POU2F2: variants seen among roughly 807,000 people sequenced by gnomAD.
The protein encoded by POU2F2 is POU domain, class 2, transcription factor 2.
Under a neutral mutation model 63.5 loss-of-function variants are expected in POU2F2, and 14 were observed. That is an observed-to-expected ratio of 0.22 (90% CI 0.15 to 0.34). The LOEUF is 0.34. Ranked by LOEUF, POU2F2 falls within the 10% of genes least tolerant of loss-of-function variation. POU2F2 has a pLI of 1.00. For missense variants in POU2F2, 607 were observed against 815.2 expected (o/e 0.74, Z 3.11); for synonymous variants, 306 against 348.6 (o/e 0.88, Z 1.36).
At position 42,158,916 on chromosome 19, in the gene POU2F2, T is replaced by C. The variant is rs536923023; in HGVS notation, c.-9+1416A>G. 4.6e-5 allele frequency among the ~76,000 whole-genome samples: 7 copies of C among 151,756 alleles called. No homozygotes were observed. In the South Asian group the frequency reaches 1.5e-3, roughly 32 times the overall value. On this transcript the variant is annotated intron_variant, in intron 2 of 6. Transcript: ENST00000524801. ...GAGGATTCCTGGAAAAACTGCAACT[T>C]CGGTTCCCTGGAGAAAGCACTCTAG...
chr19:42,173,926 C>T (rs2034820396), intron 1 of POU2F2, among the ~76,000 whole-genome samples: 1 of 152,210 alleles, frequency 6.6e-6, no homozygotes, highest in Non-Finnish European at 1.5e-5. Flanking sequence ...GAGATGCTGC[C>T]TATGGCCCTG....
intron 2 of POU2F2, among the ~76,000 whole-genome samples, chr19:42,150,795 G>A (rs978664792): frequency 1.3e-5 from 2 of 151,842 alleles, no homozygotes; most frequent in Non-Finnish European, 2.9e-5. Flanking sequence ...TCCCAATGCC[G>A]CAGGCCGGGT....
At chr19:42,151,443 G>A (rs1221564317) in intron 2 of POU2F2, among the ~76,000 whole-genome samples, 1 of 152,150 alleles carries the variant, frequency 6.6e-6, no homozygotes, top group Non-Finnish European at 1.5e-5. Flanking sequence ...GGAGCCCTGG[G>A]GAGTTGGGGG....
chr19:42,135,806 C>T (rs1365880210), upstream of POU2F2, among the ~76,000 whole-genome samples: 1 of 151,302 alleles, frequency 6.6e-6, no homozygotes, highest in African/African-American at 2.4e-5. Flanking sequence ...CTCCTGGGTT[C>T]AAGCGCATCT....
chr19:42,157,616 GACAA>G (rs2034480886), intron 2 of POU2F2: 1 of 152,282 alleles, frequency 6.6e-6, no homozygotes, highest in Non-Finnish European at 1.5e-5. Context: ...AGATGTGTTA[GACAA>G]ACAGAGAGGT....
At chr19:42,184,385 A>T (rs2034993195) in intron 1 of POU2F2, among the ~76,000 whole-genome samples, 1 of 152,042 alleles carries the variant, frequency 6.6e-6, no homozygotes, top group South Asian at 2.1e-4. Context: ...CTCTTTTCAC[A>T]TGGGGATGTC....
chr19:42,119,924 T>A (rs576792523), intron 4 of POU2F2, among the ~76,000 whole-genome samples: 29 of 152,110 alleles, frequency 1.9e-4, no homozygotes, highest in African/African-American at 6.5e-4. Flanking sequence ...ACTTTTATTT[T>A]AATTTTTTTT....
chr19:42,099,155 G>A (rs2077033340), intron 7 of POU2F2, among the ~76,000 whole-genome samples: 2 of 152,362 alleles, frequency 1.3e-5, no homozygotes, highest in South Asian at 4.1e-4. Context: ...ATCCTCCGTT[G>A]CAGTGCTGGA....
chr19:42,141,679 C>T (rs902730876), intron 2 of POU2F2, among the ~76,000 whole-genome samples: 3 of 151,936 alleles, frequency 2.0e-5, no homozygotes, highest in Admixed American at 6.6e-5. Flanking sequence ...GGGGTTTCTC[C>T]ATGTTGGTCA....
At chr19:42,137,985 G>A (rs2146751317) in intron 2 of POU2F2, among the ~76,000 whole-genome samples, 1 of 152,306 alleles carries the variant, frequency 6.6e-6, no homozygotes, top group Admixed American at 6.5e-5. Context: ...GTGTGAGGTG[G>A]AGAGGCGGCC....
chr19:42,182,917 G>A (rs545252829), intron 1 of POU2F2, among the ~76,000 whole-genome samples: 1 of 152,304 alleles, frequency 6.6e-6, no homozygotes, highest in South Asian at 2.1e-4. Flanking sequence ...AGGGCCCTGA[G>A]ACCACAAGCG....
rs1599739206 is a variant in POU2F2 at position 42,195,327 on chromosome 19, TTTC to T, written c.-70+1053_-70+1055del. Among the ~76,000 whole-genome samples, 4 of 148,206 alleles carry T rather than the reference TTTC, an allele frequency of 2.7e-5. No individual in the cohort carries two copies. In the East Asian group the frequency reaches 5.9e-4, roughly 22 times the overall value. On this transcript the variant is annotated intron_variant, in intron 1 of 5. Transcript: ENST00000532176. ...TCCTTCCCTTCCTTCCCTCCCTCTT[TTTC>T]TTTTTTTTTTTTTTTTTTTTGAGAC...
intron 1 of POU2F2, among the ~76,000 whole-genome samples, chr19:42,160,760 C>T (rs1478545700): frequency 1.3e-5 from 2 of 152,108 alleles, no homozygotes; most frequent in East Asian, 1.9e-4. Context: ...TAGTGCATAA[C>T]GGACGACGGA....
In POU2F2 at chr19:42,166,720, G is replaced by A. The variant is rs538723299; in HGVS notation, c.-69-6328C>T. On this transcript the variant is annotated intron_variant, in intron 1 of 6. Transcript: ENST00000524801. ...CGTGAGGGAGATGAGGGTGCAGGAT[G>A]GGAGCATACAGGCCCAGGATGATGA... Among the ~76,000 whole-genome samples the A allele has an allele frequency of 2.4e-3, 363 of 152,170 alleles. 1 individual carries two copies. The highest frequency in any genetic ancestry group is 8.5e-3 in the African/African-American group (352 of 41,502).
chr19:42,093,774 C>G (rs776704057), intron 12 of POU2F2, 55 bp downstream of exon 12: 1 of 1,551,904 alleles, frequency 6.4e-7, no homozygotes, highest in East Asian at 2.3e-5. Context: ...ACCTCAGGCT[C>G]CAGCCTGTGC....
At chr19:42,183,471 T>C (rs2034984266) in intron 1 of POU2F2, among the ~76,000 whole-genome samples, 1 of 152,182 alleles carries the variant, frequency 6.6e-6, no homozygotes, top group Non-Finnish European at 1.5e-5. Context: ...CGGAGGGAAC[T>C]TTTTAGGGTA....
intron 1 of POU2F2, among the ~76,000 whole-genome samples, chr19:42,194,785 AAGAC>A: frequency 7.1e-6 from 1 of 140,722 alleles, no homozygotes; most frequent in South Asian, 2.4e-4. Flanking sequence ...AAAAAAAAAA[AAGAC>A]AGGAAGGGGA....
At chr19:42,093,007 ATATT>A (rs1213580462) in intron 12 of POU2F2, among the ~76,000 whole-genome samples, 130 of 62,210 alleles carry the variant, frequency 2.1e-3, no homozygotes, top group African/African-American at 4.4e-3. Context: ...ATATATATAT[ATATT>A]TTTTTTTTTT....
chr19:42,144,237 T>C (rs565204337), intron 2 of POU2F2, among the ~76,000 whole-genome samples: 32 of 152,368 alleles, frequency 2.1e-4, no homozygotes, highest in Non-Finnish European at 4.0e-4. Flanking sequence ...ATAATCATAC[T>C]AGCCTGTGTC....
Sources: allele counts gnomAD v4.1 joint callset (sites outside exome capture counted in the v4.1 genomes callset), GRCh38; gene constraint gnomAD v4.1.1; transcripts MANE v1.5; gene names NCBI Gene and HGNC (gene_info 2026-07-23, HGNC 2026-07-21).